Variants in KAZN observed in about 807,000 individuals in gnomAD.
KAZN encodes kazrin, periplakin interacting protein.
A neutral mutation model predicts 87.4 loss-of-function variants in KAZN; 40 were observed. The observed-to-expected ratio is 0.46, with a 90% CI of 0.36 to 0.60. The LOEUF (loss-of-function observed/expected upper bound fraction) is 0.60, where lower values mean the gene tolerates loss of function less well. KAZN is among the 20% of genes least tolerant of loss of function. KAZN has a pLI of 0.00. For missense variants in KAZN, 898 were observed against 1,073.9 expected, an observed-to-expected ratio of 0.84 and a Z score of 2.29; for synonymous variants, 466 against 458.3, an observed-to-expected ratio of 1.02 and a Z score of -0.22.
chr1:14,467,586 G>A (rs1668234313), intron 2 of KAZN, among the ~76,000 whole-genome samples: 1 of 135,688 alleles, frequency 7.4e-6, no homozygotes, highest in Non-Finnish European at 1.5e-5. Flanking sequence ...TTCTACAAGT[G>A]ACAAACTTTA....
chr1:14,585,763 G>GGA (rs1675815760), intron 2 of KAZN, among the ~76,000 whole-genome samples: 1 of 152,232 alleles, frequency 6.6e-6, no homozygotes, highest in African/African-American at 2.4e-5. Context: ...AGGGGAATGA[G>GGA]GAGAGGGTGC....
At chr1:14,131,685 G>A (rs145193950) in intron 1 of KAZN, among the ~76,000 whole-genome samples, 3 of 152,154 alleles carry the variant, frequency 2.0e-5, no homozygotes, top group African/African-American at 7.2e-5. Context: ...TCCACTTTCA[G>A]TTAATTGAGC....
chr1:14,538,506 G>T (rs1054842817), intron 2 of KAZN, among the ~76,000 whole-genome samples: 3 of 152,154 alleles, frequency 2.0e-5, no homozygotes, highest in Admixed American at 6.5e-5. Context: ...TGCATTCTCC[G>T]AGGGGAGAAA....
intron 2 of KAZN, among the ~76,000 whole-genome samples, chr1:14,214,927 A>G (rs1646929526): frequency 1.3e-5 from 2 of 152,238 alleles, no homozygotes; most frequent in Admixed American, 1.3e-4. Flanking sequence ...TAGAAAACAC[A>G]GGTAAGGTGA....
chr1:14,630,692 C>G (rs1208218783), intron 1 of KAZN, among the ~76,000 whole-genome samples: 1 of 152,074 alleles, frequency 6.6e-6, no homozygotes, highest in South Asian at 2.1e-4. Context: ...TCTAATGATT[C>G]CCCTACCCCA....
chr1:14,912,774 AT>A (rs1301600956), intron 1 of KAZN, among the ~76,000 whole-genome samples: 1 of 152,160 alleles, frequency 6.6e-6, no homozygotes, highest in Non-Finnish European at 1.5e-5. Context: ...GTTTAAAAAA[AT>A]TTTTTTACTG....
intron 1 of KAZN, among the ~76,000 whole-genome samples, chr1:14,614,160 C>T (rs112644139): frequency 4.6e-5 from 7 of 152,280 alleles, no homozygotes; most frequent in African/African-American, 9.6e-5. Flanking sequence ...GCATGTGATC[C>T]GTCATATCAT....
intron 2 of KAZN, among the ~76,000 whole-genome samples, chr1:14,434,177 C>T (rs1434756677): frequency 6.6e-6 from 1 of 152,218 alleles, no homozygotes; most frequent in Non-Finnish European, 1.5e-5. Flanking sequence ...TTTATTTATT[C>T]TCCTGTTCAC....
intron 1 of KAZN, among the ~76,000 whole-genome samples, chr1:14,706,053 C>T (rs999861581): frequency 3.9e-5 from 6 of 152,044 alleles, no homozygotes; most frequent in Non-Finnish European, 7.4e-5. Flanking sequence ...CAGCAGCATT[C>T]GATTTGCATA....
chr1:14,591,478 T>A (rs1278347693), intron 2 of KAZN, among the ~76,000 whole-genome samples: 1 of 149,824 alleles, frequency 6.7e-6, no homozygotes, highest in Non-Finnish European at 1.5e-5. Context: ...GGGAAAAAAA[T>A]GCACTTGCAC....
intron 1 of KAZN, among the ~76,000 whole-genome samples, chr1:14,017,037 T>G (rs1486015940): frequency 6.6e-6 from 1 of 152,188 alleles, no homozygotes; most frequent in African/African-American, 2.4e-5. Flanking sequence ...CTGAGATGAG[T>G]TGGCAGCGAT....
At chr1:14,009,515 T>A (rs1640190341) in intron 1 of KAZN, among the ~76,000 whole-genome samples, 1 of 152,220 alleles carries the variant, frequency 6.6e-6, no homozygotes, top group South Asian at 2.1e-4. Context: ...TCCTAATGAG[T>A]GTGATAGCTC....
chr1:14,114,150 G>C (rs1234652584), intron 1 of KAZN, among the ~76,000 whole-genome samples: 1 of 152,226 alleles, frequency 6.6e-6, no homozygotes, highest in Non-Finnish European at 1.5e-5. Flanking sequence ...AGAGCTGCAT[G>C]GGAAGCATCC....
At chr1:14,993,773 G>C (rs149587930) in intron 2 of KAZN, among the ~76,000 whole-genome samples, 2 of 152,138 alleles carry the variant, frequency 1.3e-5, no homozygotes, top group Non-Finnish European at 2.9e-5. Context: ...TATGAGAGAG[G>C]GGTCACAAGC....
chr1:14,809,248 C>T (rs1022273417), intron 1 of KAZN, among the ~76,000 whole-genome samples: 4 of 152,112 alleles, frequency 2.6e-5, no homozygotes, highest in Admixed American at 6.5e-5. Flanking sequence ...GGTGTTGGGC[C>T]GGGAAGCGGT....
chr1:13,927,839 C>A (rs1640344618), intron 1 of KAZN, among the ~76,000 whole-genome samples: 1 of 152,280 alleles, frequency 6.6e-6, no homozygotes, highest in African/African-American at 2.4e-5. Flanking sequence ...GGCTGCCCTG[C>A]AAGGGGCCAC....
chr1:14,458,369 T>C (rs904775936), intron 2 of KAZN, among the ~76,000 whole-genome samples: 2 of 152,256 alleles, frequency 1.3e-5, no homozygotes, highest in African/African-American at 2.4e-5. Flanking sequence ...TCATGGTCTT[T>C]CTAGGTATAA....
chr1:15,042,727 A>G (rs1673046431), intron 3 of KAZN, among the ~76,000 whole-genome samples: 2 of 152,130 alleles, frequency 1.3e-5, no homozygotes, highest in African/African-American at 4.8e-5. Context: ...AGCCACAGAG[A>G]AAAGGCCACG....
At chr1:14,498,359 C>A (rs150807279) in intron 2 of KAZN, among the ~76,000 whole-genome samples, 6 of 152,344 alleles carry the variant, frequency 3.9e-5, no homozygotes, top group Non-Finnish European at 7.3e-5. Flanking sequence ...CACAGGCAGG[C>A]AGTGCTCTCT....
Sources: gnomAD v4.1 joint callset for allele counts (sites outside exome capture counted in the v4.1 genomes callset) on GRCh38, gnomAD v4.1.1 for gene constraint, MANE v1.5 for transcripts, NCBI Gene and HGNC (gene_info 2026-07-23, HGNC 2026-07-21) for gene names.